Variants in GFI1 observed in about 807,000 individuals in gnomAD.
The protein encoded by GFI1 is growth factor independent 1 transcriptional repressor.
In GFI1, 15 loss-of-function variants were observed where a neutral mutation model predicts 39.2. The observed-to-expected ratio is 0.38, with a 90% CI of 0.26 to 0.59. The LOEUF (loss-of-function observed/expected upper bound fraction) is 0.59, where lower values mean the gene tolerates loss of function less well. GFI1 is among the 20% of genes least tolerant of loss of function. GFI1 has a pLI of 0.62. For synonymous variants in GFI1, 239 were observed against 254.3 expected (o/e 0.94, Z 0.57); for missense variants, 475 against 574.0 (o/e 0.83, Z 1.76).
In GFI1 at chr1:92,480,886, C is replaced by T; in HGVS notation, c.501G>A (p.Leu167=). The T allele has an allele frequency of 1.3e-6, 2 of 1,534,574 alleles. No individual in the cohort carries two copies. Among genetic ancestry groups the T allele is most frequent in the South Asian group, 1.2e-5 (1 of 82,154 alleles). ...CGCCGGCAGCCCGCTTCGGGCCGTA[C>T]AGCGCGGCCGGGTGGCCAGGCTCCG... ...PAPEPGHPAA[L]YGPKRAAGGA... The change falls in exon 4 of 7, where the codon CTG becomes CTA. Residue 167 remains leucine (L), a synonymous_variant. Transcript: ENST00000294702. The surrounding 1 kb of genome is among the most constrained non-coding windows in gnomAD (Gnocchi z 5.6).
rs1432895474 is a variant in GFI1 at position 92,481,488 on chromosome 1, C to T, written c.299-400G>A. 1.3e-5 allele frequency among the ~76,000 whole-genome samples: 2 copies of T among 152,226 alleles called. No individual in the cohort carries two copies. Among genetic ancestry groups the T allele is most frequent in the African/African-American group, 4.8e-5 (2 of 41,450 alleles). ...AAGGTGGCGGCCGTTCGGCCCCTCACAGCACTCAAGGGCGGAAGGGTCCAG... is the reference window on the plus strand; with the variant it reads ...AAGGTGGCGGCCGTTCGGCCCCTCATAGCACTCAAGGGCGGAAGGGTCCAG... On this transcript the variant is annotated intron_variant, in intron 3 of 6. Transcript: ENST00000294702. This position sits in a 1 kb window ranked among gnomAD's most constrained non-coding sequence, Gnocchi z 4.3.
At chr1:92,483,148 C>T (rs1436576252) in intron 2 of GFI1, 102 bp from the exon 3 acceptor site, 31 of 1,103,616 alleles carry the variant, frequency 2.8e-5, no homozygotes, top group Non-Finnish European at 3.9e-5. Context: ...GAGCGTCTTC[C>T]CCTCTCCACC....
rs766980817 is a variant in GFI1, at chr1:92,478,765, G to A, written c.925-12C>T. 2 of 1,235,788 alleles carry A rather than the reference G, an allele frequency of 1.6e-6. No individual in the cohort carries two copies. Among genetic ancestry groups the A allele is most frequent in the Non-Finnish European group, 2.3e-6 (2 of 885,902 alleles). 76.6% of individuals were successfully genotyped at this position (1,235,788 alleles called of 1,614,324 possible). On this transcript the variant is annotated splice_polypyrimidine_tract_variant and intron_variant, in intron 5 of 6. Coordinates refer to ENST00000294702, the MANE Select transcript of GFI1 (RefSeq NM_005263.5). Reference sequence around the variant, plus strand: ...TCAAAGCTCCGTTCCTGCAGAGAGAGAGAGAGAGAGAGAGAGAGAGAGAGA... The same window carrying A: ...TCAAAGCTCCGTTCCTGCAGAGAGAAAGAGAGAGAGAGAGAGAGAGAGAGA...
chr1:92,479,820 T>C (rs1196049936), intron 5 of GFI1, among the ~76,000 whole-genome samples: 2 of 151,492 alleles, frequency 1.3e-5, no homozygotes, highest in Non-Finnish European at 2.9e-5. Flanking sequence ...GCAACTGCCC[T>C]CCAGCCTGGG....
intron 5 of GFI1, among the ~76,000 whole-genome samples, chr1:92,479,590 G>A (rs568189407): frequency 5.9e-5 from 9 of 152,226 alleles, no homozygotes; most frequent in African/African-American, 1.2e-4. Context: ...GGTGGCTCAC[G>A]CCTGTAATCC....
At chr1:92,483,737 G>C in intron 1 of GFI1, 151 bp from the exon 2 acceptor site, 1 of 526,766 alleles carries the variant, frequency 1.9e-6, no homozygotes, top group Non-Finnish European at 3.5e-6. Context: ...GCGCTTACCA[G>C]GTGGCACTTG....
chr1:92,479,380 T>G (rs958776784), intron 5 of GFI1, among the ~76,000 whole-genome samples: 1 of 152,214 alleles, frequency 6.6e-6, no homozygotes, highest in African/African-American at 2.4e-5. Flanking sequence ...TTAGCCTTCG[T>G]AAGTAGGCAT....
Position 92,475,822 on chromosome 1 carries a change from C to T in GFI1, c.*207G>A, listed in dbSNP as rs1039418342. The stretch of plus-strand genomic sequence containing the variant: ...TAGAGAGTCACTTGGTTCTCACTCT[C>T]GGCTGCACTTTGAAAAGGTACCTCA... On this transcript the variant is annotated 3_prime_UTR_variant, in exon 7 of 7. Coordinates refer to ENST00000294702, the MANE Select transcript of GFI1 (RefSeq NM_005263.5). 56 of 604,986 alleles carry T rather than the reference C, an allele frequency of 9.3e-5. No homozygotes were observed. The East Asian group carries it at 1.2e-3, about 13-fold the overall frequency. 37.5% of individuals were successfully genotyped at this position (604,986 alleles called of 1,614,324 possible).
At chr1:92,477,819 A>G (rs1658038327) in intron 6 of GFI1, among the ~76,000 whole-genome samples, 1 of 152,252 alleles carries the variant, frequency 6.6e-6, no homozygotes, top group Admixed American at 6.5e-5. Context: ...ATTAACTTGC[A>G]GATATTTTGA....
chr1:92,476,318 G>T, intron 6 of GFI1, 111 bp from the exon 7 acceptor site: 1 of 985,788 alleles, frequency 1.0e-6, no homozygotes, highest in Non-Finnish European at 1.6e-6. Flanking sequence ...ACAGTCTAAG[G>T]CCTTCAAGCA....
chr1:92,482,801 T>A lies in GFI1; in HGVS notation c.298+63A>T. 1.5e-6 allele frequency: 2 copies of A among 1,338,612 alleles called. No homozygotes were observed. Among genetic ancestry groups the A allele is most frequent in the East Asian group, 2.3e-5 (1 of 43,550 alleles). The allele number at this position is 1,338,612 out of a possible 1,614,324, so 82.9% of individuals were successfully genotyped here. A position where few individuals can be genotyped will look rare whatever the true frequency, so the allele number is the denominator to read the frequency against. On this transcript the variant is annotated intron_variant, in intron 3 of 6. Transcript: ENST00000294702. The surrounding 1 kb of genome is among the most constrained non-coding windows in gnomAD (Gnocchi z 4.4). ...ATTTCTACGCCCAAGGTCGCGCCAATTCCCCCCCAGCACTGCCGGGTCCCT... is the reference window on the plus strand; with the variant it reads ...ATTTCTACGCCCAAGGTCGCGCCAAATCCCCCCCAGCACTGCCGGGTCCCT...
At position 92,486,778 on chromosome 1, in the gene GFI1, G is replaced by A. The variant is rs962839999; in HGVS notation, c.-152C>T. 1 of 152,164 alleles carries A rather than the reference G, an allele frequency of 6.6e-6. No individual in the cohort carries two copies. Among genetic ancestry groups the A allele is most frequent in the Non-Finnish European group, 1.5e-5 (1 of 68,006 alleles). 9.4% of individuals were successfully genotyped at this position (152,164 alleles called of 1,614,324 possible). ...CATTTCCCTTCGGATTTAGGTAATG[G>A]TTAAATTTGGAAGAGGTGGGCGAGC... On this transcript the variant is annotated 5_prime_UTR_variant, in exon 1 of 7. Transcript: ENST00000294702.
Position 92,474,149 on chromosome 1 carries a change from A to G in GFI1, c.*1880T>C, listed in dbSNP as rs1286587723. The stretch of plus-strand genomic sequence containing the variant: ...AAACTCCCACAGGTGGGACAGAACC[A>G]GAAATAACCCAGATCCTCATGGGCC... On this transcript the variant is annotated 3_prime_UTR_variant, in exon 7 of 7. Coordinates refer to ENST00000294702, the MANE Select transcript of GFI1 (RefSeq NM_005263.5). Among the ~76,000 whole-genome samples the G allele has an allele frequency of 1.3e-5, 2 of 152,260 alleles. No homozygotes were observed. Among genetic ancestry groups the G allele is most frequent in the Non-Finnish European group, 2.9e-5 (2 of 68,048 alleles).
At position 92,482,901 on chromosome 1, in the gene GFI1, C is replaced by T; in HGVS notation, c.261G>A (p.Glu87=). ...AGGGTGACGGGGGCCTCCAGAAGTCCTCAAACTCCGAGCTCCGTTCGCAGA... is the reference window on the plus strand; with the variant it reads ...AGGGTGACGGGGGCCTCCAGAAGTCTTCAAACTCCGAGCTCCGTTCGCAGA... The part of the protein sequence containing the change: ...GSVCERSSEF[E]DFWRPPSPSA... The change falls in exon 3 of 7, where the codon GAG becomes GAA. Residue 87 remains glutamate, a synonymous_variant. Transcript: ENST00000294702. This position sits in a 1 kb window ranked among gnomAD's most constrained non-coding sequence, Gnocchi z 4.4. The T allele has an allele frequency of 6.2e-7, 1 of 1,614,154 alleles. No individual in the cohort carries two copies. Among genetic ancestry groups the T allele is most frequent in the Non-Finnish European group, 8.5e-7 (1 of 1,180,016 alleles).
At position 92,474,652 on chromosome 1, in the gene GFI1, T is replaced by C. The variant is rs1657873275; in HGVS notation, c.*1377A>G. ...TTTTACTCTTCTGGATATTAGCTTG[T>C]GTGCTTCACTTTTATACTCCATTGC... On this transcript the variant is annotated 3_prime_UTR_variant, in exon 7 of 7. Coordinates refer to ENST00000294702, the MANE Select transcript of GFI1 (RefSeq NM_005263.5). The C allele has an allele frequency of 6.6e-6, 1 of 152,668 alleles. No individual in the cohort carries two copies. The allele number at this position is 152,668 out of a possible 1,614,324, so 9.5% of individuals were successfully genotyped here. A position where few individuals can be genotyped will look rare whatever the true frequency, so the allele number is the denominator to read the frequency against.
At position 92,478,691 on chromosome 1, in the gene GFI1, T is replaced by C; in HGVS notation, c.987A>G (p.Thr329=). ...KSFKRSSTLS[T]HLLIHSDTRP... is the part of the protein sequence containing the mutation. ...GAGTGTCTGAGTGGATAAGCAGGTG[T>C]GTGGACAGTGTGGATGACCTCTTGA... Residue 329 remains threonine, a synonymous_variant, in exon 6 of 7, where the codon ACA becomes ACG. Coordinates refer to ENST00000294702, the MANE Select transcript of GFI1 (RefSeq NM_005263.5). 6.2e-7 allele frequency: 1 copy of C among 1,613,572 alleles called. No individual in the cohort carries two copies. Among genetic ancestry groups the C allele is most frequent in the South Asian group, 1.1e-5 (1 of 91,054 alleles).
At chr1:92,476,334 G>A in intron 6 of GFI1, 127 bp from the exon 7 acceptor site, 1 of 847,056 alleles carries the variant, frequency 1.2e-6, no homozygotes, top group Non-Finnish European at 1.9e-6. Flanking sequence ...AAGCAACTTG[G>A]AGGGTGACGT....
At position 92,482,795 on chromosome 1, in the gene GFI1, C is replaced by A. The variant is rs1658324234; in HGVS notation, c.298+69G>T. 2 of 1,261,220 alleles carry A rather than the reference C, an allele frequency of 1.6e-6. No individual in the cohort carries two copies. Among genetic ancestry groups the A allele is most frequent in the East Asian group, 2.3e-5 (1 of 43,208 alleles). 78.1% of individuals were successfully genotyped at this position (1,261,220 alleles called of 1,614,324 possible). A position where few individuals can be genotyped will look rare whatever the true frequency, so the allele number is the denominator to read the frequency against. ...GTTAGCATTTCTACGCCCAAGGTCGCGCCAATTCCCCCCCAGCACTGCCGG... is the reference window on the plus strand; with the variant it reads ...GTTAGCATTTCTACGCCCAAGGTCGAGCCAATTCCCCCCCAGCACTGCCGG... On this transcript the variant is annotated intron_variant, in intron 3 of 6. Transcript: ENST00000294702. This position sits in a 1 kb window ranked among gnomAD's most constrained non-coding sequence, Gnocchi z 4.4.
At position 92,480,618 on chromosome 1, in the gene GFI1, A is replaced by G; in HGVS notation, c.769T>C (p.Cys257Arg). 6.4e-7 allele frequency: 1 copy of G among 1,567,426 alleles called. No homozygotes were observed. ...RLLLGGGSYK[C>R]IKCSKVFSTP... is the part of the protein sequence containing the mutation. ...AGCCTCACCTTGCTGCACTTGATGC[A>G]CTTGTAGGAGCCGCCGCCCAGCAGC... Residue 257 changes from cysteine to arginine, a missense_variant, in exon 4 of 7, where the codon TGC becomes CGC. Coordinates refer to ENST00000294702, the MANE Select transcript of GFI1 (RefSeq NM_005263.5). This position sits in a 1 kb window ranked among gnomAD's most constrained non-coding sequence, Gnocchi z 5.6.
Sources: allele counts gnomAD v4.1 joint callset (sites outside exome capture counted in the v4.1 genomes callset), GRCh38; gene constraint gnomAD v4.1.1; non-coding constraint Gnocchi (gnomAD v3.1); transcripts MANE v1.5; gene names NCBI Gene and HGNC (gene_info 2026-07-23, HGNC 2026-07-21).